Variants in DNAH10 observed in about 807,000 individuals in gnomAD.
DNAH10 encodes the protein axonemal beta dynein heavy chain 10.
Under a neutral mutation model 506.6 loss-of-function variants are expected in DNAH10, and 348 were observed. That is an observed-to-expected ratio of 0.69 (90% confidence interval 0.63 to 0.75). The LOEUF is 0.75. Ranked by LOEUF, DNAH10 falls within the 30% of genes least tolerant of loss-of-function variation. DNAH10 has a pLI of 0.00. For synonymous variants in DNAH10, 2,059 were observed against 2,198.6 expected, an observed-to-expected ratio of 0.94 and a Z score of 1.78; for missense variants, 5,179 against 5,787.1, an observed-to-expected ratio of 0.89 and a Z score of 3.41.
In DNAH10 at chr12:123,837,182, A is replaced by C. The variant is rs1419766596; in HGVS notation, c.4903-1274A>C. The stretch of plus-strand genomic sequence containing the variant: ...ACTCCGTCTCTACTAAAAATACAAA[A>C]AAAAAAAAAAAATTAGCCAGGCATG... On this transcript the variant is annotated intron_variant, in intron 28 of 78. Coordinates refer to ENST00000673944, the MANE Select transcript of DNAH10 (RefSeq NM_001372106.1). 2.0e-5 allele frequency among the ~76,000 whole-genome samples: 3 copies of C among 150,866 alleles called. No individual in the cohort carries two copies. The East Asian group carries it at 5.9e-4, about 30-fold the overall frequency.
Position 123,916,686 on chromosome 12 carries a change from C to A in DNAH10, c.10952C>A (p.Pro3651His). 6.2e-7 allele frequency: 1 copy of A among 1,613,714 alleles called. No individual in the cohort carries two copies. Among genetic ancestry groups the A allele is most frequent in the Non-Finnish European group, 8.5e-7 (1 of 1,179,782 alleles). ...TACCTGAACACCAAGCTGGCCAATC[C>A]CAGATATTCCCCATCCGTGTTTGGG... is the stretch of plus-strand genomic sequence containing the variant. Reference protein sequence around the residue: ...RLYLNTKLANPRYSPSVFGKA... With the variant: ...RLYLNTKLANHRYSPSVFGKA... The change falls in exon 63 of 79, where the codon CCC becomes CAC. Residue 3651 changes from proline to histidine, a missense_variant. This residue lies in a region of DNAH10 where 4,844 missense variants were observed against 5,430.5 expected (regional missense o/e 0.89). Transcript: ENST00000673944. The surrounding 1 kb of genome is among the most constrained non-coding windows in gnomAD (Gnocchi z 4.6).
intron 29 of DNAH10, among the ~76,000 whole-genome samples, chr12:123,840,615 TAC>T (rs2136609972): frequency 6.6e-6 from 1 of 152,190 alleles, no homozygotes; most frequent in African/African-American, 2.4e-5. Context: ...TGTAGAAAAA[TAC>T]AGTGTTAGGA....
At chr12:123,899,219 C>T (rs904735658) in intron 56 of DNAH10, among the ~76,000 whole-genome samples, 1 of 152,126 alleles carries the variant, frequency 6.6e-6, no homozygotes, top group Non-Finnish European at 1.5e-5. Context: ...CTTTCTTGGG[C>T]CCCTTCCCTC....
chr12:123,916,536 A>G lies in DNAH10; in HGVS notation c.10802A>G (p.Asp3601Gly). 1 of 1,613,858 alleles carries G rather than the reference A, an allele frequency of 6.2e-7. No individual in the cohort carries two copies. The highest frequency in any genetic ancestry group is 2.2e-5 in the East Asian group (1 of 44,892). The stretch of plus-strand genomic sequence containing the variant: ...TACGGGACCCCTTTCCTGTTCCGCG[A>G]TGTTGATGAATACATCGATCCTGTG... ...IKYGTPFLFR[D>G]VDEYIDPVID... Residue 3601 changes from aspartate to glycine, a missense_variant, in exon 63 of 79, where the codon GAT becomes GGT. This residue lies in a region of DNAH10 where 4,844 missense variants were observed against 5,430.5 expected (regional missense o/e 0.89). Transcript: ENST00000673944. This position sits in a 1 kb window ranked among gnomAD's most constrained non-coding sequence, Gnocchi z 4.6.
In DNAH10 at chr12:123,933,351, C is replaced by G; in HGVS notation, c.13317C>G (p.Ser4439Arg). Residue 4439 changes from serine (S) to arginine (R), a missense_variant, in exon 77 of 79, where the codon AGC becomes AGG. Ser to Arg is a moderately radical substitution (Grantham distance 110). Around this residue, in one of 3 missense-constraint regions of DNAH10, gnomAD observed 4,844 missense variants for 5,430.5 expected, o/e 0.89. Coordinates refer to ENST00000673944, the MANE Select transcript of DNAH10 (RefSeq NM_001372106.1). ...YMLWVTESEP[S>R]VMWLSGLHIP... The stretch of plus-strand genomic sequence containing the variant: ...TCCAGGTGACCGAGAGCGAGCCCAG[C>G]GTGATGTGGCTCTCGGGGCTGCACA... The G allele has an allele frequency of 1.3e-6, 2 of 1,594,006 alleles. No homozygotes were observed. Among genetic ancestry groups the G allele is most frequent in the Non-Finnish European group, 1.7e-6 (2 of 1,170,500 alleles).
Position 123,923,807 on chromosome 12 carries a change from A to G in DNAH10, c.11551A>G (p.Ile3851Val). 6.2e-7 allele frequency: 1 copy of G among 1,613,140 alleles called. No individual in the cohort carries two copies. The highest frequency in any genetic ancestry group is 8.5e-7 in the Non-Finnish European group (1 of 1,179,720). Residue 3851 changes from isoleucine to valine, a missense_variant, in exon 66 of 79, where the codon ATC (isoleucine) becomes GTC (valine). By Grantham distance (29) the Ile-to-Val change is conservative. This residue lies in a region of DNAH10 where 4,844 missense variants were observed against 5,430.5 expected (regional missense o/e 0.89). Transcript: ENST00000673944. ...HKLLFSFNMTIKIEQAEGRVP... is the reference protein window; with the variant it reads ...HKLLFSFNMTVKIEQAEGRVP... ...GCTACTCTTTTCTTTTAATATGACC[A>G]TCAAGATAGAACAAGCAGAAGGGAG...
intron 17 of DNAH10, among the ~76,000 whole-genome samples, chr12:123,804,544 A>G (rs982267807): frequency 1.3e-5 from 2 of 151,458 alleles, no homozygotes; most frequent in Non-Finnish European, 2.9e-5. Flanking sequence ...AAAAAAAAAG[A>G]TACTTTAAGT....
At chr12:123,813,677 G>A (rs75207436) in intron 20 of DNAH10, 37 bp downstream of exon 20, 6 of 1,612,676 alleles carry the variant, frequency 3.7e-6, no homozygotes, top group Non-Finnish European at 5.1e-6. Flanking sequence ...ACTACTTTTC[G>A]TGTAAGTTGG....
At chr12:123,881,893 TCC>T (rs1952527441) in intron 51 of DNAH10, 80 bp downstream of exon 51, 1 of 1,269,150 alleles carries the variant, frequency 7.9e-7, no homozygotes, top group African/African-American at 1.5e-5. Context: ...ATTGGAACAA[TCC>T]ACAGCAGATC....
At position 123,762,595 on chromosome 12, in the gene DNAH10, C is replaced by T. The variant is rs1408995929; in HGVS notation, c.214+45C>T. The T allele has an allele frequency of 2.0e-6, 3 of 1,511,194 alleles. No homozygotes were observed. The highest frequency in any genetic ancestry group is 2.7e-6 in the Non-Finnish European group (3 of 1,129,106). 93.6% of individuals were successfully genotyped at this position (1,511,194 alleles called of 1,614,324 possible). ...TCCCTTCCCCGGGCTTCCCTCCTGC[C>T]CGTCCCGGCCTCTCCGGCGGGCGCC... On this transcript the variant is annotated intron_variant, in intron 1 of 78. Transcript: ENST00000673944. This position sits in a 1 kb window ranked among gnomAD's most constrained non-coding sequence, Gnocchi z 5.0.
At chr12:123,867,744 T>G in intron 42 of DNAH10, 143 bp downstream of exon 42, 1 of 1,366,320 alleles carries the variant, frequency 7.3e-7, no homozygotes, top group African/African-American at 1.5e-5. Flanking sequence ...CGTGCTTGCT[T>G]TTGTGCAAGT....
chr12:123,899,859 C>T (rs554637785), intron 56 of DNAH10, among the ~76,000 whole-genome samples: 13 of 152,198 alleles, frequency 8.5e-5, no homozygotes, highest in South Asian at 6.2e-4. Context: ...TTTCTTAACT[C>T]GACCATCATT....
intron 43 of DNAH10, among the ~76,000 whole-genome samples, chr12:123,868,667 G>T (rs1455021889): frequency 6.6e-6 from 1 of 152,234 alleles, no homozygotes; most frequent in Non-Finnish European, 1.5e-5. Flanking sequence ...AGGTCTATAT[G>T]CAATGGTAGG....
chr12:123,919,568 G>A lies in DNAH10; in HGVS notation c.11506+619G>A, dbSNP rs888638789. ...TATCACTACTCTCTGGCTCCGGAAC[G>A]TTTCCACCAGCCCCGAAATGAAATC... On this transcript the variant is annotated intron_variant, in intron 65 of 78. Transcript: ENST00000673944. This position sits in a 1 kb window ranked among gnomAD's most constrained non-coding sequence, Gnocchi z 4.9. Among the ~76,000 whole-genome samples the A allele has an allele frequency of 5.9e-5, 9 of 152,248 alleles. No individual in the cohort carries two copies. The highest frequency in any genetic ancestry group is 1.0e-4 in the Non-Finnish European group (7 of 68,010).
Position 123,762,693 on chromosome 12 carries a change from T to G in DNAH10, c.214+143T>G, listed in dbSNP as rs1395646429. On this transcript the variant is annotated intron_variant, in intron 1 of 78. Transcript: ENST00000673944. The surrounding 1 kb of genome is among the most constrained non-coding windows in gnomAD (Gnocchi z 5.0). Reference sequence around the variant, plus strand: ...TCCACAAACGCTGCCGCCCGCCACGTGCAGGCCCCGGGCGAACCCAGCAAT... The same window carrying G: ...TCCACAAACGCTGCCGCCCGCCACGGGCAGGCCCCGGGCGAACCCAGCAAT... 7.2e-6 allele frequency: 6 copies of G among 829,552 alleles called. No individual in the cohort carries two copies. Among genetic ancestry groups the G allele is most frequent in the Non-Finnish European group, 8.8e-6 (5 of 570,570 alleles). 51.4% of individuals were successfully genotyped at this position (829,552 alleles called of 1,614,324 possible).
chr12:123,784,737 C>T (rs76008720), intron 8 of DNAH10, among the ~76,000 whole-genome samples: 5,501 of 152,234 alleles, frequency 0.036, 310 homozygotes, highest in African/African-American at 0.12. Flanking sequence ...CTAACTCCCC[C>T]TTCTTCCTTA....
In DNAH10 at chr12:123,853,826, G is replaced by A. The variant is rs1025541922; in HGVS notation, c.6438+474G>A. Among the ~76,000 whole-genome samples the A allele has an allele frequency of 8.7e-5, 13 of 149,934 alleles. No individual in the cohort carries two copies. Among genetic ancestry groups the A allele is most frequent in the Admixed American group, 4.0e-4 (6 of 14,966 alleles). On this transcript the variant is annotated intron_variant, in intron 36 of 78. Transcript: ENST00000673944. This position sits in a 1 kb window ranked among gnomAD's most constrained non-coding sequence, Gnocchi z 4.7. ...CTCAATGTTGCACGCACACACGCAC[G>A]CACACACACGCACACGCACGGACAC...
In DNAH10 at chr12:123,931,703, G is replaced by C. The variant is rs1214875356; in HGVS notation, c.12984G>C (p.Lys4328Asn). The C allele has an allele frequency of 2.5e-6, 4 of 1,614,020 alleles. No individual in the cohort carries two copies. The East Asian group carries it at 8.9e-5, about 36-fold the overall frequency. The change falls in exon 75 of 79, where the codon AAG becomes AAC. Residue 4328 changes from lysine to asparagine, a missense_variant. Transcript: ENST00000673944. ...IGQVAKEIEN[K>N]MPKVFDLDQV... ...AAGTGGCCAAAGAAATAGAAAACAA[G>C]ATGCCCAAAGTCTTTGACTTGGACC...
rs56117900 is a variant in DNAH10 at position 123,813,518 on chromosome 12, C to G, written c.3499C>G (p.Leu1167Val). The G allele has an allele frequency of 1.1e-5, 18 of 1,614,198 alleles. No individual in the cohort carries two copies. The South Asian group carries it at 1.9e-4, about 17-fold the overall frequency. Residue 1167 changes from leucine to valine, a missense_variant, in exon 20 of 79, where the codon CTT becomes GTT. Transcript: ENST00000673944. ...AATTAAGGATGAGCATTGCATCAGACTTCAGCTCAGGCATCTGGCAAACAC... is the reference window on the plus strand; with the variant it reads ...AATTAAGGATGAGCATTGCATCAGAGTTCAGCTCAGGCATCTGGCAAACAC... Reference protein sequence around the residue: ...PLIKDEHCIRLQLRHLANTVQ... With the variant: ...PLIKDEHCIRVQLRHLANTVQ...
Sources: gnomAD v4.1 joint callset for allele counts (sites outside exome capture counted in the v4.1 genomes callset) on GRCh38, gnomAD v4.1.1 for gene constraint, gnomAD v4.1.1 regional missense constraint, Gnocchi (gnomAD v3.1) non-coding constraint, MANE v1.5 for transcripts, NCBI Gene and HGNC (gene_info 2026-07-23, HGNC 2026-07-21) for gene names.